The following MPP3 variants were observed in gnomAD, a reference collection of about 807,000 sequenced individuals.
MPP3 encodes the protein MAGUK p55 scaffold protein 3.
Under a neutral mutation model 80.7 loss-of-function variants are expected in MPP3, and 48 were observed. The ratio of observed to expected loss-of-function variants is 0.59; its 90% CI spans 0.47 to 0.76. MPP3 has a LOEUF of 0.76. Among genes scored for constraint, MPP3 ranks in the 30% least tolerant of loss-of-function variants. The probability of loss-of-function intolerance (pLI) is 0.00; values close to 1 mark genes in which losing one functional copy is unlikely to be tolerated. For missense variants in MPP3, 620 were observed against 763.0 expected, an observed-to-expected ratio of 0.81 and a Z score of 2.21; for synonymous variants, 311 against 297.6, an observed-to-expected ratio of 1.04 and a Z score of -0.46.
At chr17:43,818,800 T>A (rs772552610) in intron 11 of MPP3, among the ~76,000 whole-genome samples, 17 of 151,890 alleles carry the variant, frequency 1.1e-4, no homozygotes, top group Non-Finnish European at 2.1e-4. Context: ...GTGGTGCACG[T>A]CTGTAATCCC....
rs1567824060 is a variant in MPP3 at position 43,826,832 on chromosome 17, T to TATATATATATATATA, written c.523+918_523+919insTATATATATATATAT. ...CATGACTATTTATATATATATATATTTTTTTTTTTTTTCTTTTTTTTTTGA... is the reference window on the plus strand; with the variant it reads ...CATGACTATTTATATATATATATATTATATATATATATATATTTTTTTTTTTTCTTTTTTTTTTGA... On this transcript the variant is annotated intron_variant, in intron 8 of 19. Transcript: ENST00000398389. 2.2e-3 allele frequency among the ~76,000 whole-genome samples: 246 copies of TATATATATATATATA among 110,710 alleles called. 2 individuals carry two copies. The highest frequency in any genetic ancestry group is 9.0e-3 in the African/African-American group (235 of 26,200). The allele number at this position is 110,710 out of a possible 152,430, so 72.6% of individuals were successfully genotyped here.
chr17:43,809,308 A>G (rs2044747035), intron 18 of MPP3, among the ~76,000 whole-genome samples: 1 of 152,112 alleles, frequency 6.6e-6, no homozygotes, highest in Non-Finnish European at 1.5e-5. Flanking sequence ...CTCACTGCCA[A>G]CAGAAGGTTC....
At chr17:43,820,727 G>A in intron 11 of MPP3, 135 bp downstream of exon 11, 1 of 720,782 alleles carries the variant, frequency 1.4e-6, no homozygotes, top group Non-Finnish European at 2.3e-6. Flanking sequence ...AAACACAAGT[G>A]CAACTGGTAC....
chr17:43,821,071 G>A lies in MPP3; in HGVS notation c.685-13C>T. 1 of 1,612,878 alleles carries A rather than the reference G, an allele frequency of 6.2e-7. No homozygotes were observed. The highest frequency in any genetic ancestry group is 8.5e-7 in the Non-Finnish European group (1 of 1,179,656). On this transcript the variant is annotated splice_polypyrimidine_tract_variant and intron_variant, in intron 10 of 19. Coordinates refer to ENST00000398389, the MANE Select transcript of MPP3 (RefSeq NM_001932.6). ...CGCGCATGAACACCTGCACAAGGAG[G>A]GCTCTGGTGAGGCGGCCCTTCCCCA...
At chr17:43,832,007 C>T in intron 2 of MPP3, 64 bp from the exon 3 acceptor site, 1 of 989,358 alleles carries the variant, frequency 1.0e-6, no homozygotes, top group Non-Finnish European at 1.6e-6. Context: ...AACAAACTGA[C>T]TACACATCTA....
chr17:43,814,869 C>A (rs111625715), intron 14 of MPP3, among the ~76,000 whole-genome samples: 1 of 152,092 alleles, frequency 6.6e-6, no homozygotes, highest in East Asian at 1.9e-4. Flanking sequence ...TAAAGGGACA[C>A]GATGTCTACA....
At chr17:43,823,448 A>T (rs994365630) in intron 10 of MPP3, among the ~76,000 whole-genome samples, 2 of 152,168 alleles carry the variant, frequency 1.3e-5, no homozygotes, top group African/African-American at 4.8e-5. Flanking sequence ...CTTTGTACAG[A>T]ATCTTGGCAA....
intron 12 of MPP3, 119 bp downstream of exon 12, chr17:43,817,927 A>G: frequency 4.9e-6 from 2 of 411,744 alleles, no homozygotes; most frequent in East Asian, 1.3e-4. Flanking sequence ...GGAGTCCATG[A>G]GCTCAGACAA....
chr17:43,812,810 AC>A (rs1393091961), intron 16 of MPP3, among the ~76,000 whole-genome samples: 5 of 152,054 alleles, frequency 3.3e-5, no homozygotes, highest in Admixed American at 3.3e-4. Flanking sequence ...GTTTCAGTCC[AC>A]CTGAAACTTG....
chr17:43,827,314 CTTT>C (rs1175236345), intron 8 of MPP3, among the ~76,000 whole-genome samples: 1 of 119,596 alleles, frequency 8.4e-6, no homozygotes, highest in East Asian at 2.3e-4. Context: ...CTGTGCCTGG[CTTT>C]TTTTTTTTTT....
chr17:43,812,784 A>C (rs143107628), intron 16 of MPP3, among the ~76,000 whole-genome samples: 28 of 152,300 alleles, frequency 1.8e-4, no homozygotes, highest in Non-Finnish European at 3.1e-4. Context: ...GTGTGTGAGC[A>C]ACCTCTGCAT....
intron 8 of MPP3, among the ~76,000 whole-genome samples, chr17:43,826,305 C>G (rs945642366): frequency 6.6e-6 from 1 of 152,174 alleles, no homozygotes; most frequent in East Asian, 1.9e-4. Flanking sequence ...TGAGCCTCTG[C>G]CTGAATGACT....
chr17:43,821,386 C>G (rs976968063), intron 10 of MPP3, among the ~76,000 whole-genome samples: 1 of 152,202 alleles, frequency 6.6e-6, no homozygotes, highest in African/African-American at 2.4e-5. Flanking sequence ...ACAACTAATC[C>G]TGGGAACAAA....
At chr17:43,816,777 C>T (rs1324643244) in intron 12 of MPP3, 80 bp from the exon 13 acceptor site, 21 of 1,409,254 alleles carry the variant, frequency 1.5e-5, no homozygotes, top group East Asian at 2.5e-5. Context: ...AGCCACGGCC[C>T]GAGTGCCTGA....
At chr17:43,809,155 T>A (rs1598326063) in intron 18 of MPP3, 77 bp from the exon 19 acceptor site, 2 of 1,449,368 alleles carry the variant, frequency 1.4e-6, no homozygotes, top group Non-Finnish European at 1.8e-6. Flanking sequence ...AGCTCAATAA[T>A]CGTGTGCTTC....
At chr17:43,829,979 T>C (rs372720073) in intron 6 of MPP3, 48 bp downstream of exon 6, 6 of 1,589,314 alleles carry the variant, frequency 3.8e-6, no homozygotes, top group Non-Finnish European at 4.3e-6. Flanking sequence ...TCCGCCCCCA[T>C]CCCAGGAGAC....
At chr17:43,819,535 T>G (rs1020896093) in intron 11 of MPP3, among the ~76,000 whole-genome samples, 1 of 152,130 alleles carries the variant, frequency 6.6e-6, no homozygotes, top group African/African-American at 2.4e-5. Flanking sequence ...CATGTCCTCC[T>G]CCCTTGCACC....
intron 14 of MPP3, chr17:43,815,775 T>C (rs1028775975): frequency 2.8e-5 from 19 of 669,372 alleles, no homozygotes; most frequent in Non-Finnish European, 5.2e-5. Context: ...GATAATAGAA[T>C]TGGTATTAAT....
At chr17:43,809,956 T>G (rs1246872365) in intron 18 of MPP3, among the ~76,000 whole-genome samples, 1 of 152,202 alleles carries the variant, frequency 6.6e-6, no homozygotes, top group African/African-American at 2.4e-5. Context: ...GAAACACTAG[T>G]ATTAAACTGC....
Sources: gnomAD v4.1 joint callset for allele counts (sites outside exome capture counted in the v4.1 genomes callset) on GRCh38, gnomAD v4.1.1 for gene constraint, MANE v1.5 for transcripts, NCBI Gene and HGNC (gene_info 2026-07-23, HGNC 2026-07-21) for gene names.